KIT: variants seen among roughly 807,000 people sequenced by gnomAD.
The protein encoded by KIT is KIT proto-oncogene, receptor tyrosine kinase, also known as mast/stem cell growth factor receptor Kit.
A neutral mutation model predicts 105.7 loss-of-function variants in KIT; 16 were observed. The ratio of observed to expected loss-of-function variants is 0.15; its 90% CI spans 0.10 to 0.23. The LOEUF (loss-of-function observed/expected upper bound fraction) is 0.23, where lower values mean the gene tolerates loss of function less well. KIT is among the 10% of genes least tolerant of loss of function. The pLI is 1.00. For synonymous variants in KIT, 438 were observed against 441.1 expected (o/e 0.99, Z 0.09); for missense variants, 858 against 1,213.8 (o/e 0.71, Z 4.36).
In KIT at chr4:54,727,419, C is replaced by A. The variant is rs1722299272; in HGVS notation, c.1651C>A (p.Pro551Thr). The A allele has an allele frequency of 6.2e-7, 1 of 1,614,128 alleles. No individual in the cohort carries two copies. The highest frequency in any genetic ancestry group is 1.7e-5 in the Admixed American group (1 of 60,020). ...MILTYKYLQK[P>T]MYEVQWKVVE... ...ATTTTTCCCTTTCTCCCCACAGAAA[C>A]CCATGTATGAAGTACAGTGGAAGGT... Residue 551 changes from proline (P) to threonine (T), a missense_variant, in exon 11 of 21, where the codon CCC becomes ACC. Pro to Thr is a conservative substitution (Grantham distance 38). This residue lies in a region of KIT where 78 missense variants were observed against 77.6 expected (regional missense o/e 1.01). Coordinates refer to ENST00000288135, the MANE Select transcript of KIT (RefSeq NM_000222.3).
chr4:54,699,440 A>G (rs1022768554), intron 3 of KIT, among the ~76,000 whole-genome samples, 190 bp from the exon 4 acceptor site: 3 of 152,134 alleles, frequency 2.0e-5, no homozygotes, highest in East Asian at 1.9e-4. Flanking sequence ...CACTCAATTT[A>G]CTTGAAGGAT....
intron 6 of KIT, among the ~76,000 whole-genome samples, chr4:54,708,019 G>A (rs1720901099): frequency 6.6e-6 from 1 of 152,164 alleles, no homozygotes; most frequent in African/African-American, 2.4e-5. Flanking sequence ...AAAAATACGG[G>A]TGAGAGATGA....
At chr4:54,668,717 G>C (rs777161847) in intron 1 of KIT, among the ~76,000 whole-genome samples, 13 of 152,226 alleles carry the variant, frequency 8.5e-5, no homozygotes, top group Non-Finnish European at 1.9e-4. Context: ...GGTGGCAGGA[G>C]ACGTTGGCTG....
At chr4:54,720,528 A>T (rs1390001784) in intron 7 of KIT, among the ~76,000 whole-genome samples, 1 of 152,252 alleles carries the variant, frequency 6.6e-6, no homozygotes, top group Non-Finnish European at 1.5e-5. Context: ...TTTTTTAATT[A>T]AACAATGTTT....
chr4:54,688,889 A>G (rs969383033), intron 1 of KIT, among the ~76,000 whole-genome samples: 14 of 152,218 alleles, frequency 9.2e-5, no homozygotes, highest in African/African-American at 3.1e-4. Context: ...ATGGACAGCT[A>G]GGAGATGGAC....
chr4:54,695,007 C>T (rs1457786420), intron 1 of KIT, among the ~76,000 whole-genome samples: 1 of 152,194 alleles, frequency 6.6e-6, no homozygotes, highest in East Asian at 1.9e-4. Flanking sequence ...TTTTGATGAA[C>T]ATTGCCATGT....
At chr4:54,721,211 A>C (rs1428461561) in intron 7 of KIT, among the ~76,000 whole-genome samples, 1 of 152,190 alleles carries the variant, frequency 6.6e-6, no homozygotes, top group East Asian at 1.9e-4. Flanking sequence ...AGGTGTTCTT[A>C]AATGCTTTGG....
chr4:54,691,972 G>A (rs931620381), intron 1 of KIT, among the ~76,000 whole-genome samples: 6 of 152,132 alleles, frequency 3.9e-5, no homozygotes, highest in African/African-American at 9.7e-5. Flanking sequence ...GGGTGAGTCC[G>A]GACTGATTTG....
chr4:54,661,298 G>A (rs1250976590), intron 1 of KIT, among the ~76,000 whole-genome samples: 1 of 152,182 alleles, frequency 6.6e-6, no homozygotes, highest in Non-Finnish European at 1.5e-5. Context: ...ATTCTCATCA[G>A]AAATGTGCCA....
At chr4:54,737,675 A>G (rs922429013) in intron 20 of KIT, among the ~76,000 whole-genome samples, 1 of 152,278 alleles carries the variant, frequency 6.6e-6, no homozygotes, top group African/African-American at 2.4e-5. Context: ...CATAGAAAAG[A>G]CAGCTTGTTA....
chr4:54,710,259 C>T (rs1721060516), intron 7 of KIT, among the ~76,000 whole-genome samples: 1 of 152,200 alleles, frequency 6.6e-6, no homozygotes, highest in Non-Finnish European at 1.5e-5. Flanking sequence ...ACTCTGGGCC[C>T]CGTGTGCATT....
chr4:54,726,409 G>C (rs767537013), intron 9 of KIT, among the ~76,000 whole-genome samples: 1 of 152,142 alleles, frequency 6.6e-6, no homozygotes, highest in African/African-American at 2.4e-5. Flanking sequence ...AAAAATTTCA[G>C]TTATTTAAAA....
chr4:54,680,758 C>T lies in KIT; in HGVS notation c.68-14754C>T, dbSNP rs144104638. ...GCAGGGAATTGACATTTTGCAGAAG[C>T]TTGAGTTTCCTGATAGGAGGAAATT... On this transcript the variant is annotated intron_variant, in intron 1 of 20. Coordinates refer to ENST00000288135, the MANE Select transcript of KIT (RefSeq NM_000222.3). Among the ~76,000 whole-genome samples, 311 of 152,214 alleles carry T rather than the reference C, an allele frequency of 2.0e-3. 2 individuals are homozygous for T. The highest frequency in any genetic ancestry group is 7.0e-3 in the African/African-American group (292 of 41,542).
intron 1 of KIT, among the ~76,000 whole-genome samples, chr4:54,673,821 T>C (rs1274948391): frequency 1.3e-5 from 2 of 152,166 alleles, no homozygotes; most frequent in East Asian, 3.8e-4. Flanking sequence ...GTTTTCATTT[T>C]ATTTTATTTT....
At chr4:54,662,691 G>A (rs1717367603) in intron 1 of KIT, among the ~76,000 whole-genome samples, 1 of 152,040 alleles carries the variant, frequency 6.6e-6, no homozygotes, top group African/African-American at 2.4e-5. Flanking sequence ...TCCTGCCTCA[G>A]CCTCCTGAGT....
chr4:54,729,684 T>C (rs1036858424), intron 14 of KIT, among the ~76,000 whole-genome samples, 199 bp downstream of exon 14: 3 of 152,232 alleles, frequency 2.0e-5, no homozygotes, highest in Non-Finnish European at 4.4e-5. Flanking sequence ...AGATTTTTGC[T>C]GATTTTTTAA....
At chr4:54,730,130 C>T (rs1021338699) in intron 14 of KIT, among the ~76,000 whole-genome samples, 2 of 152,170 alleles carry the variant, frequency 1.3e-5, no homozygotes. Flanking sequence ...GTTTGACTTA[C>T]AACCAGAAAA....
chr4:54,715,874 C>A (rs1445623325), intron 7 of KIT, among the ~76,000 whole-genome samples: 1 of 152,218 alleles, frequency 6.6e-6, no homozygotes, highest in Non-Finnish European at 1.5e-5. Flanking sequence ...ATAATAACGG[C>A]AGTCTTGCCT....
At chr4:54,694,293 C>T (rs1363680384) in intron 1 of KIT, among the ~76,000 whole-genome samples, 1 of 152,162 alleles carries the variant, frequency 6.6e-6, no homozygotes, top group Non-Finnish European at 1.5e-5. Flanking sequence ...TCCAGCCCAC[C>T]TCTTGCTTTT....
Sources: gnomAD v4.1 joint callset for allele counts (sites outside exome capture counted in the v4.1 genomes callset) on GRCh38, gnomAD v4.1.1 for gene constraint, gnomAD v4.1.1 regional missense constraint, MANE v1.5 for transcripts, NCBI Gene and HGNC (gene_info 2026-07-23, HGNC 2026-07-21) for gene names.